Variants in ADCY3 observed in about 807,000 individuals in gnomAD.
ADCY3 encodes adenylate cyclase 3, also known as adenylate cyclase type 3.
Under a neutral mutation model 119.4 loss-of-function variants are expected in ADCY3, and 70 were observed. The observed-to-expected ratio is 0.59, with a 90% CI of 0.48 to 0.72. The LOEUF (loss-of-function observed/expected upper bound fraction) is 0.72, where lower values mean the gene tolerates loss of function less well. Among genes scored for constraint, ADCY3 ranks in the 30% least tolerant of loss-of-function variants. ADCY3 has a pLI of 0.00. For missense variants in ADCY3, 1,238 were observed against 1,541.6 expected (o/e 0.80, Z 3.30); for synonymous variants, 672 against 621.4 (o/e 1.08, Z -1.21).
chr2:24,834,829 G>T lies in ADCY3; in HGVS notation c.1770C>A (p.Leu590=), dbSNP rs753814019. The T allele has an allele frequency of 5.0e-6, 8 of 1,613,784 alleles. No individual in the cohort carries two copies. The South Asian group carries it at 7.7e-5, about 16-fold the overall frequency. ...SEDEHELNQL[L]NEALLERESA... ...ACTCTCGCTCAAGCAGGGCCTCGTT[G>T]AGCAGCTGGTTGAGCTCGTGCTCAT... The change falls in exon 10 of 22, where the codon CTC becomes CTA. Residue 590 remains leucine, a synonymous_variant. Transcript: ENST00000679454. The surrounding 1 kb of genome is among the most constrained non-coding windows in gnomAD (Gnocchi z 4.2).
chr2:24,845,311 C>A (rs955259282), intron 3 of ADCY3, among the ~76,000 whole-genome samples: 1 of 152,164 alleles, frequency 6.6e-6, no homozygotes, highest in Non-Finnish European at 1.5e-5. Flanking sequence ...AAGTCTGGAA[C>A]CTCCCAGAGA....
At chr2:24,824,126 G>A (rs1668244766) in intron 17 of ADCY3, among the ~76,000 whole-genome samples, 1 of 152,262 alleles carries the variant, frequency 6.6e-6, no homozygotes. Flanking sequence ...GTGGGCTCTA[G>A]CCAAAGTCTT....
At position 24,872,558 on chromosome 2, in the gene ADCY3, C is replaced by G; in HGVS notation, c.825+12G>C. Reference sequence around the variant, plus strand: ...CCCAAGCTCCAGGCCCGAGGCCTCCCGAGAGCCTCACCTGCTGCTGGCTCT... The same window carrying G: ...CCCAAGCTCCAGGCCCGAGGCCTCCGGAGAGCCTCACCTGCTGCTGGCTCT... On this transcript the variant is annotated intron_variant, in intron 3 of 21. Coordinates refer to ENST00000679454, the MANE Select transcript of ADCY3 (RefSeq NM_004036.5). This position sits in a 1 kb window ranked among gnomAD's most constrained non-coding sequence, Gnocchi z 4.4. 2 of 1,612,972 alleles carry G rather than the reference C, an allele frequency of 1.2e-6. No homozygotes were observed. The highest frequency in any genetic ancestry group is 1.7e-6 in the Non-Finnish European group (2 of 1,179,220).
At chr2:24,877,976 T>G (rs1675928309) in intron 2 of ADCY3, 1 of 471,098 alleles carries the variant, frequency 2.1e-6, no homozygotes, top group Admixed American at 2.3e-5. Flanking sequence ...CACCTCTTCT[T>G]GCCCCGTGGT....
chr2:24,835,658 G>A (rs891452125), intron 9 of ADCY3, among the ~76,000 whole-genome samples: 26 of 152,064 alleles, frequency 1.7e-4, no homozygotes, highest in Admixed American at 5.2e-4. Context: ...CCCTGGGGCC[G>A]GGCACGGTGA....
At position 24,840,006 on chromosome 2, in the gene ADCY3, C is replaced by T. The variant is rs201606553; in HGVS notation, c.1222G>A (p.Gly408Arg). The change falls in exon 7 of 22, where the codon GGG becomes AGG. Residue 408 changes from glycine to arginine, a missense_variant. Around this residue, in one of 7 missense-constraint regions of ADCY3, gnomAD observed 283 missense variants for 437.2 expected, o/e 0.65. Coordinates refer to ENST00000679454, the MANE Select transcript of ADCY3 (RefSeq NM_004036.5). The stretch of plus-strand genomic sequence containing the variant: ...TGCACCCCCACACGCATGTCCACCC[C>T]AGTCTTGGTCTTCTCCCGCACATAC... The part of the protein sequence containing the change: ...ISYVREKTKT[G>R]VDMRVGVHTG... 1.3e-4 allele frequency: 205 copies of T among 1,613,064 alleles called. 2 individuals are homozygous for T. The Middle Eastern group carries it at 7.8e-3, about 61-fold the overall frequency.
intron 11 of ADCY3, among the ~76,000 whole-genome samples, chr2:24,833,494 C>CAA (rs756722320): frequency 1.3e-5 from 2 of 152,218 alleles, no homozygotes; most frequent in African/African-American, 2.4e-5. Flanking sequence ...CAAAACAAAA[C>CAA]AAAGCTCCCC....
intron 2 of ADCY3, among the ~76,000 whole-genome samples, chr2:24,901,780 A>T (rs912613634): frequency 3.3e-5 from 2 of 60,122 alleles, no homozygotes; most frequent in Non-Finnish European, 7.1e-5. Flanking sequence ...CCTCATCTTT[A>T]AAAAAAAAAA....
At chr2:24,837,068 C>T (rs957562445) in intron 8 of ADCY3, 23 bp from the exon 9 acceptor site, 48 of 1,612,306 alleles carry the variant, frequency 3.0e-5, no homozygotes, top group Non-Finnish European at 4.0e-5. Context: ...AGAGCTCAGC[C>T]ATGATCTGGG....
rs77022138 is a variant in ADCY3 at position 24,918,508 on chromosome 2, C to G, written c.480G>C (p.Ala160=). The stretch of plus-strand genomic sequence containing the variant: ...CCGTGTCACTAGCCGCGTGGGCACG[C>G]GCGAAGTTCAGGCCCAGGTAGGAGA... ...QIFSYLGLNF[A]RAHAASDTVG... is the part of the protein sequence containing the mutation. Residue 160 remains alanine (A), a synonymous_variant, in exon 2 of 22, where the codon GCG becomes GCC. Coordinates refer to ENST00000679454, the MANE Select transcript of ADCY3 (RefSeq NM_004036.5). This position sits in a 1 kb window ranked among gnomAD's most constrained non-coding sequence, Gnocchi z 5.4. 136 of 1,613,774 alleles carry G rather than the reference C, an allele frequency of 8.4e-5. No individual in the cohort carries two copies. The highest frequency in any genetic ancestry group is 1.1e-4 in the Non-Finnish European group (132 of 1,179,928).
chr2:24,877,968 C>A, intron 2 of ADCY3: 1 of 471,210 alleles, frequency 2.1e-6, no homozygotes. Flanking sequence ...ACCAAAGTCA[C>A]CTCTTCTTGC....
chr2:24,824,572 G>A (rs760526331), intron 16 of ADCY3, 36 bp from the exon 17 acceptor site: 1 of 1,607,300 alleles, frequency 6.2e-7, no homozygotes, highest in South Asian at 1.1e-5. Flanking sequence ...TGTGCTCTAA[G>A]CTGGCCACTG....
intron 2 of ADCY3, among the ~76,000 whole-genome samples, chr2:24,896,261 T>C (rs1418071069): frequency 6.6e-6 from 1 of 152,066 alleles, no homozygotes; most frequent in Non-Finnish European, 1.5e-5. Context: ...GGCATGCACC[T>C]GTAATCCCAG....
chr2:24,866,207 T>C (rs927375661), intron 3 of ADCY3, among the ~76,000 whole-genome samples: 1 of 152,162 alleles, frequency 6.6e-6, no homozygotes, highest in Non-Finnish European at 1.5e-5. Flanking sequence ...AGCTATTTCC[T>C]ATCTGCCCCT....
intron 21 of ADCY3, chr2:24,820,414 C>A: frequency 7.5e-7 from 1 of 1,325,854 alleles, no homozygotes; most frequent in Non-Finnish European, 9.6e-7. Context: ...CTCTTCTGTC[C>A]CTTTGCCCCT....
chr2:24,905,948 G>A (rs1270510266), intron 2 of ADCY3, among the ~76,000 whole-genome samples: 4 of 152,204 alleles, frequency 2.6e-5, no homozygotes, highest in East Asian at 1.9e-4. Flanking sequence ...AAAGCCACCC[G>A]GGGTGAGGGT....
intron 2 of ADCY3, among the ~76,000 whole-genome samples, chr2:24,903,017 G>A (rs2149002552): frequency 6.6e-6 from 1 of 151,976 alleles, no homozygotes; most frequent in East Asian, 1.9e-4. Flanking sequence ...TGTGGTGGCG[G>A]GCGCCTATAG....
chr2:24,896,925 G>A (rs987300308), intron 2 of ADCY3, among the ~76,000 whole-genome samples: 10 of 152,134 alleles, frequency 6.6e-5, no homozygotes, highest in Admixed American at 1.3e-4. Flanking sequence ...GGTAATGAAC[G>A]ATAGGGCTCA....
intron 16 of ADCY3, among the ~76,000 whole-genome samples, chr2:24,825,207 C>T (rs771137046): frequency 3.3e-5 from 5 of 152,050 alleles, no homozygotes; most frequent in Non-Finnish European, 7.4e-5. Context: ...CTTGGGAAGG[C>T]TGTACTTCCC....
Sources: allele counts gnomAD v4.1 joint callset (sites outside exome capture counted in the v4.1 genomes callset), GRCh38; gene constraint gnomAD v4.1.1; regional missense constraint gnomAD v4.1.1; non-coding constraint Gnocchi (gnomAD v3.1); transcripts MANE v1.5; gene names NCBI Gene and HGNC (gene_info 2026-07-23, HGNC 2026-07-21).